The following POMT2 variants were observed in gnomAD, a reference collection of about 807,000 sequenced individuals.
POMT2 encodes the protein protein O-mannosyl-transferase 2.
Under a neutral mutation model 100.0 loss-of-function variants are expected in POMT2, and 75 were observed. That is an observed-to-expected ratio of 0.75 (90% CI 0.62 to 0.91). The LOEUF is 0.91. POMT2 is among the 40% of genes least tolerant of loss of function. The pLI is 0.00. For missense variants in POMT2, 940 were observed against 955.1 expected (o/e 0.98, Z 0.21); for synonymous variants, 378 against 374.1 (o/e 1.01, Z -0.12).
intron 9 of POMT2, among the ~76,000 whole-genome samples, chr14:77,295,611 G>A (rs567925907): frequency 2.2e-5 from 3 of 133,768 alleles, no homozygotes; most frequent in Non-Finnish European, 4.7e-5. Flanking sequence ...CAGCCTGGGT[G>A]ACAGAGCAAG....
Position 77,304,677 on chromosome 14 carries a change from G to C in POMT2, c.547+15C>G. ...CCCATTTCCCAAAAGCCATGGTATG[G>C]CTAAGACAACTTACCAAAGGTGAGG... On this transcript the variant is annotated intron_variant, in intron 4 of 20. Transcript: ENST00000261534. 1.3e-6 allele frequency: 2 copies of C among 1,570,374 alleles called. No individual in the cohort carries two copies. The highest frequency in any genetic ancestry group is 1.7e-6 in the Non-Finnish European group (2 of 1,158,050).
intron 1 of POMT2, among the ~76,000 whole-genome samples, chr14:77,316,544 C>T (rs988059965): frequency 2.4e-5 from 3 of 126,546 alleles, no homozygotes; most frequent in Non-Finnish European, 4.7e-5. Flanking sequence ...CCAGACTGGG[C>T]AACAGAGTCA....
intron 2 of POMT2, chr14:77,308,725 T>A: frequency 2.2e-6 from 1 of 450,460 alleles, no homozygotes; most frequent in Non-Finnish European, 4.4e-6. Flanking sequence ...TGTCATACAC[T>A]GTTGGTGGGA....
In POMT2 at chr14:77,312,050, A is replaced by G; in HGVS notation, c.249-17T>C. On this transcript the variant is annotated splice_polypyrimidine_tract_variant and intron_variant, in intron 1 of 20. Coordinates refer to ENST00000261534, the MANE Select transcript of POMT2 (RefSeq NM_013382.7). ...TCATCCCAACTAAAGGAAACACAGA[A>G]AGAGAAACAAGAATTTTAAAATTAT... 2 of 1,613,130 alleles carry G rather than the reference A, an allele frequency of 1.2e-6. No individual in the cohort carries two copies. Among genetic ancestry groups the G allele is most frequent in the Non-Finnish European group, 8.5e-7 (1 of 1,179,580 alleles).
rs1307321120 is a variant in POMT2 at position 77,276,444 on chromosome 14, CCTGT to C, written c.*928_*931del. 6.6e-6 allele frequency: 1 copy of C among 152,594 alleles called. No homozygotes were observed. The highest frequency in any genetic ancestry group is 1.5e-5 in the Non-Finnish European group (1 of 68,148). The allele number at this position is 152,594 out of a possible 1,614,324, so 9.5% of individuals were successfully genotyped here. ...TCCCAGCACCACGCAGATTCCCTGC[CCTGT>C]CTCTCATCTACCTTGGGCGCTAAGC... On this transcript the variant is annotated 3_prime_UTR_variant, in exon 21 of 21. Coordinates refer to ENST00000261534, the MANE Select transcript of POMT2 (RefSeq NM_013382.7).
chr14:77,286,965 G>A (rs529943127), intron 11 of POMT2, 143 bp from the exon 12 acceptor site: 3 of 1,488,534 alleles, frequency 2.0e-6, no homozygotes, highest in African/African-American at 2.8e-5. Flanking sequence ...ATCAGGAACT[G>A]GTTTCCTATT....
chr14:77,287,446 A>T (rs1890467049), intron 11 of POMT2: 1 of 151,890 alleles, frequency 6.6e-6, no homozygotes, highest in African/African-American at 2.4e-5. Flanking sequence ...TTAATAAAAT[A>T]AAAATTTTAA....
At chr14:77,306,474 A>G in intron 2 of POMT2, 33 bp from the exon 3 acceptor site, 10 of 1,607,954 alleles carry the variant, frequency 6.2e-6, no homozygotes, top group Non-Finnish European at 8.5e-6. Context: ...AAAGATGAGA[A>G]GCCTTTGGGA....
At chr14:77,308,362 T>TG (rs1279512656) in intron 2 of POMT2, among the ~76,000 whole-genome samples, 31 of 149,838 alleles carry the variant, frequency 2.1e-4, no homozygotes, top group East Asian at 5.9e-4. Flanking sequence ...TTTTGTTTTT[T>TG]TTTTTTTTTT....
At chr14:77,294,383 G>A (rs564784014) in intron 9 of POMT2, among the ~76,000 whole-genome samples, 15 of 152,250 alleles carry the variant, frequency 9.9e-5, no homozygotes, top group Admixed American at 2.6e-4. Flanking sequence ...GTACAGTGGC[G>A]CAATCTCAGT....
At chr14:77,287,471 G>T (rs1594786207) in intron 11 of POMT2, 1 of 148,398 alleles carries the variant, frequency 6.7e-6, no homozygotes, top group Non-Finnish European at 1.5e-5. Context: ...TCAAAATCCA[G>T]CTGACTCAAA....
chr14:77,293,766 C>T (rs1241741172), intron 9 of POMT2, among the ~76,000 whole-genome samples: 1 of 152,206 alleles, frequency 6.6e-6, no homozygotes. Context: ...ACCACCATCA[C>T]GTTTCACACC....
At chr14:77,305,066 CAG>C (rs1891178120) in intron 3 of POMT2, among the ~76,000 whole-genome samples, 1 of 152,184 alleles carries the variant, frequency 6.6e-6, no homozygotes, top group African/African-American at 2.4e-5. Context: ...GGGTAGGAGA[CAG>C]GGAGAAAAGC....
intron 9 of POMT2, among the ~76,000 whole-genome samples, chr14:77,294,176 A>G (rs958284855): frequency 1.3e-5 from 2 of 152,218 alleles, no homozygotes; most frequent in African/African-American, 4.8e-5. Context: ...AACTGATACT[A>G]AAATCCAATA....
At chr14:77,287,413 T>G (rs1890464829) in intron 11 of POMT2, 1 of 151,976 alleles carries the variant, frequency 6.6e-6, no homozygotes, top group South Asian at 2.1e-4. Flanking sequence ...AATAAATTTT[T>G]ATTAATGACA....
rs911007883 is a variant in POMT2, at chr14:77,304,864, C to G, written c.439-64G>C. 3.2e-5 allele frequency: 49 copies of G among 1,545,288 alleles called. No homozygotes were observed. The African/African-American group carries it at 6.3e-4, about 20-fold the overall frequency. ...AGCTAGGTCAGCGACCTACTGGACT[C>G]AGTACAACCTAACATTTAAGACAGG... is the stretch of plus-strand genomic sequence containing the variant. On this transcript the variant is annotated intron_variant, in intron 3 of 20. Transcript: ENST00000261534.
intron 8 of POMT2, 59 bp downstream of exon 8, chr14:77,298,630 A>G (rs867220422): frequency 1.3e-6 from 2 of 1,584,130 alleles, no homozygotes; most frequent in East Asian, 2.2e-5. Context: ...GTCTTTTCCA[A>G]TTCAACTCCC....
chr14:77,316,650 C>T (rs1891641450), intron 1 of POMT2, among the ~76,000 whole-genome samples: 1 of 151,984 alleles, frequency 6.6e-6, no homozygotes, highest in Non-Finnish European at 1.5e-5. Flanking sequence ...TGGCAGCTCC[C>T]ACTCTGGGAG....
At chr14:77,284,059 G>A in intron 14 of POMT2, 186 bp from the exon 15 acceptor site, 4 of 651,230 alleles carry the variant, frequency 6.1e-6, no homozygotes, top group South Asian at 5.0e-5. Context: ...AACTCATCAG[G>A]CATTCTAAGA....
Sources: allele counts gnomAD v4.1 joint callset (sites outside exome capture counted in the v4.1 genomes callset), GRCh38; gene constraint gnomAD v4.1.1; transcripts MANE v1.5; gene names NCBI Gene and HGNC (gene_info 2026-07-23, HGNC 2026-07-21).